ARHGAP35: variants seen among roughly 807,000 people sequenced by gnomAD.
The protein encoded by ARHGAP35 is Rho GTPase activating protein 35.
Under a neutral mutation model 111.1 loss-of-function variants are expected in ARHGAP35, and 15 were observed. That is an observed-to-expected ratio of 0.13 (90% CI 0.09 to 0.21). ARHGAP35 has a LOEUF of 0.21. ARHGAP35 is among the 10% of genes least tolerant of loss of function. The pLI is 1.00. For missense variants in ARHGAP35, 1,262 were observed against 1,873.0 expected, an observed-to-expected ratio of 0.67 and a Z score of 6.02; for synonymous variants, 643 against 710.3, an observed-to-expected ratio of 0.91 and a Z score of 1.51.
At chr19:46,933,407 CA>C (rs1260439559) in intron 2 of ARHGAP35, among the ~76,000 whole-genome samples, 1 of 152,082 alleles carries the variant, frequency 6.6e-6, no homozygotes, top group African/African-American at 2.4e-5. Context: ...CTCAGCCTCC[CA>C]AAGTGCTGGA....
chr19:46,949,071 G>A (rs2056397463), intron 3 of ARHGAP35: 1 of 151,928 alleles, frequency 6.6e-6, no homozygotes, highest in Admixed American at 6.6e-5. Context: ...GTAGAAGAAT[G>A]GCGTGAACCC....
chr19:46,930,373 G>A (rs2056265714), intron 2 of ARHGAP35, among the ~76,000 whole-genome samples: 1 of 147,954 alleles, frequency 6.8e-6, no homozygotes, highest in African/African-American at 2.5e-5. Context: ...AAACCAACTA[G>A]AAAACCGAGT....
rs1175609362 is a variant in ARHGAP35, at chr19:47,000,600, C to T, written c.4412C>T (p.Pro1471Leu). 7.4e-6 allele frequency: 12 copies of T among 1,613,318 alleles called. No homozygotes were observed. Among genetic ancestry groups the T allele is most frequent in the Admixed American group, 5.0e-5 (3 of 59,960 alleles). Residue 1471 changes from proline to leucine, a missense_variant, in exon 7 of 7, where the codon CCG (proline) becomes CTG (leucine). Physicochemically the swap from Pro to Leu is moderately conservative, Grantham distance 98. Transcript: ENST00000672722. This position sits in a 1 kb window ranked among gnomAD's most constrained non-coding sequence, Gnocchi z 6.9. ...ACTTCCACGCCTGTCACAAGTCAGC[C>T]GTCGCCCCCACAGTCGCCTCCACCC... Reference protein sequence around the residue: ...FLTSTPVTSQPSPPQSPPPTP... With the variant: ...FLTSTPVTSQLSPPQSPPPTP...
rs2122192836 is a variant in ARHGAP35, at chr19:46,918,844, G to A, written c.169G>A (p.Val57Ile). 1.2e-6 allele frequency: 2 copies of A among 1,613,936 alleles called. No individual in the cohort carries two copies. The highest frequency in any genetic ancestry group is 1.7e-6 in the Non-Finnish European group (2 of 1,179,882). Residue 57 changes from valine (V) to isoleucine (I), a missense_variant, in exon 2 of 7, where the codon GTC becomes ATC. Around this residue, in one of 8 missense-constraint regions of ARHGAP35, gnomAD observed 125 missense variants for 301.7 expected, o/e 0.41. Transcript: ENST00000672722. This position sits in a 1 kb window ranked among gnomAD's most constrained non-coding sequence, Gnocchi z 5.4. ...CGAGTTTCACTTGGACCATACCTCC[G>A]TCCTCAGCACCAGTGACTTTGGAGG... ...ADEFHLDHTS[V>I]LSTSDFGGRV...
intron 3 of ARHGAP35, among the ~76,000 whole-genome samples, chr19:46,939,017 G>A (rs1410773418): frequency 6.6e-6 from 1 of 151,828 alleles, no homozygotes; most frequent in African/African-American, 2.4e-5. Flanking sequence ...GGTTTTCTGT[G>A]GAAACCAGAG....
chr19:46,931,750 G>A (rs1033535531), intron 2 of ARHGAP35, among the ~76,000 whole-genome samples: 2 of 152,138 alleles, frequency 1.3e-5, no homozygotes, highest in Non-Finnish European at 2.9e-5. Flanking sequence ...TTTCTTCGTG[G>A]AGGAGATAGA....
At chr19:46,937,458 G>A in intron 3 of ARHGAP35, 50 bp downstream of exon 3, 3 of 1,594,222 alleles carry the variant, frequency 1.9e-6, no homozygotes, top group Non-Finnish European at 2.6e-6. Context: ...TCTACAGGAT[G>A]CTTACTGGAG....
intron 1 of ARHGAP35, among the ~76,000 whole-genome samples, chr19:46,875,062 G>A (rs112153306): frequency 2.6e-5 from 4 of 151,868 alleles, no homozygotes; most frequent in Admixed American, 6.6e-5. Context: ...TGCCCGCCTC[G>A]GCCTTCCAAG....
chr19:46,871,398 A>G (rs2055886702), intron 1 of ARHGAP35, among the ~76,000 whole-genome samples: 3 of 152,224 alleles, frequency 2.0e-5, no homozygotes, highest in Non-Finnish European at 2.9e-5. Context: ...GCTAGAGTGC[A>G]GTGGCATGGT....
At chr19:46,886,228 A>G (rs1221018749) in intron 1 of ARHGAP35, among the ~76,000 whole-genome samples, 1 of 152,168 alleles carries the variant, frequency 6.6e-6, no homozygotes, top group African/African-American at 2.4e-5. Flanking sequence ...GCCTTGTCTA[A>G]TATAACTTTC....
intron 1 of ARHGAP35, among the ~76,000 whole-genome samples, chr19:46,865,624 A>T (rs1386673715): frequency 6.6e-6 from 1 of 152,104 alleles, no homozygotes; most frequent in Non-Finnish European, 1.5e-5. Context: ...ATGTTTGGTG[A>T]GTCTGCATGT....
At position 46,996,893 on chromosome 19, in the gene ARHGAP35, C is replaced by T. The variant is rs868398590; in HGVS notation, c.4037-2411C>T. 5.3e-5 allele frequency among the ~76,000 whole-genome samples: 8 copies of T among 152,150 alleles called. No individual in the cohort carries two copies. In the South Asian group the frequency reaches 6.2e-4, roughly 12 times the overall value. ...GTGCCCATGGCCGGGTGCGGTGGCT[C>T]ACGCCTGTAATCCCAGCATTTTGGG... is the stretch of plus-strand genomic sequence containing the variant. On this transcript the variant is annotated intron_variant, in intron 5 of 6. Transcript: ENST00000672722.
chr19:46,924,195 A>G (rs770285197), intron 2 of ARHGAP35, among the ~76,000 whole-genome samples: 1 of 152,184 alleles, frequency 6.6e-6, no homozygotes, highest in Non-Finnish European at 1.5e-5. Flanking sequence ...TACAAATCCT[A>G]CCAAATCAGA....
chr19:46,941,999 A>C (rs184840660), intron 3 of ARHGAP35, among the ~76,000 whole-genome samples: 17 of 151,382 alleles, frequency 1.1e-4, no homozygotes, highest in Admixed American at 9.9e-4. Context: ...TGTTGGCATT[A>C]GTTTGTACTT....
intron 3 of ARHGAP35, among the ~76,000 whole-genome samples, chr19:46,979,838 C>T (rs2056611593): frequency 6.6e-6 from 1 of 152,048 alleles, no homozygotes; most frequent in Admixed American, 6.6e-5. Flanking sequence ...TCTTGACTGA[C>T]AGGGGAATTA....
chr19:46,869,476 TTGTGTGTGTGTGTGTG>T (rs36048282), intron 1 of ARHGAP35, among the ~76,000 whole-genome samples: 8 of 144,210 alleles, frequency 5.5e-5, no homozygotes, highest in Non-Finnish European at 9.2e-5. Flanking sequence ...AGAAAAAAAA[TTGTGTGTGTGTGTGTG>T]TGTGTGTGTG....
chr19:46,963,777 A>C (rs144800597), intron 3 of ARHGAP35, among the ~76,000 whole-genome samples: 230 of 152,334 alleles, frequency 1.5e-3, no homozygotes, highest in African/African-American at 5.4e-3. Context: ...AGTATGCTTT[A>C]ATAATGGTTT....
rs1311538357 is a variant in ARHGAP35 at position 46,989,595 on chromosome 19, G to T, written c.3956G>T (p.Gly1319Val). The T allele has an allele frequency of 6.2e-7, 1 of 1,613,978 alleles. No individual in the cohort carries two copies. The highest frequency in any genetic ancestry group is 8.5e-7 in the Non-Finnish European group (1 of 1,179,884). ...EKDFTVNTVA[G>V]AMKSFFSELP... is the part of the protein sequence containing the mutation. ...GACTTTACGGTGAATACCGTGGCTG[G>T]TGCCATGAAGAGCTTTTTCTCAGAA... is the stretch of plus-strand genomic sequence containing the variant. The change falls in exon 5 of 7, where the codon GGT (glycine) becomes GTT (valine). Residue 1319 changes from glycine to valine, a missense_variant. By Grantham distance (109) the Gly-to-Val change is moderately radical (BLOSUM62 -3). Transcript: ENST00000672722. The surrounding 1 kb of genome is among the most constrained non-coding windows in gnomAD (Gnocchi z 5.3).
Position 46,921,210 on chromosome 19 carries a change from C to T in ARHGAP35, c.2535C>T (p.Ser845=). The T allele has an allele frequency of 6.2e-7, 1 of 1,614,020 alleles. No homozygotes were observed. The highest frequency in any genetic ancestry group is 1.3e-5 in the African/African-American group (1 of 75,048). ...LSVLSYHSSF[S]IRKSRLVHGY... ...TTCTTTCATACCATTCCTCCTTTAGCATCAGAAAGAGCCGGTTGGTTCATG... is the reference window on the plus strand; with the variant it reads ...TTCTTTCATACCATTCCTCCTTTAGTATCAGAAAGAGCCGGTTGGTTCATG... The change falls in exon 2 of 7, where the codon AGC becomes AGT. Residue 845 remains serine (S), a synonymous_variant. Transcript: ENST00000672722. This position sits in a 1 kb window ranked among gnomAD's most constrained non-coding sequence, Gnocchi z 4.3.
Sources: gnomAD v4.1 joint callset for allele counts (sites outside exome capture counted in the v4.1 genomes callset) on GRCh38, gnomAD v4.1.1 for gene constraint, gnomAD v4.1.1 regional missense constraint, Gnocchi (gnomAD v3.1) non-coding constraint, MANE v1.5 for transcripts, NCBI Gene and HGNC (gene_info 2026-07-23, HGNC 2026-07-21) for gene names.